Variants in ANTXRL observed in about 807,000 individuals in gnomAD.
ANTXRL encodes ANTXR like, also known as anthrax toxin receptor-like.
In ANTXRL, 63 loss-of-function variants were observed where a neutral mutation model predicts 75.4. The observed-to-expected ratio is 0.84, with a 90% CI of 0.68 to 1.03. The LOEUF (loss-of-function observed/expected upper bound fraction) is 1.03, where lower values mean the gene tolerates loss of function less well. Ranked by LOEUF, ANTXRL falls within the 50% of genes least tolerant of loss-of-function variation. The pLI, the probability that ANTXRL is intolerant of heterozygous loss-of-function variation, is 0.00. For missense variants in ANTXRL, 797 were observed against 789.4 expected (o/e 1.01, Z -0.12); for synonymous variants, 335 against 291.3 (o/e 1.15, Z -1.53).
At chr10:46,308,448 C>T (rs1838231546) in intron 12 of ANTXRL, 2 of 441,706 alleles carry the variant, frequency 4.5e-6, no homozygotes, top group Non-Finnish European at 4.5e-6. Context: ...CCCTCCCCTC[C>T]CCTCTCCAGC....
At chr10:46,327,579 A>C (rs1414196993) in intron 16 of ANTXRL, among the ~76,000 whole-genome samples, 4 of 152,102 alleles carry the variant, frequency 2.6e-5, no homozygotes, top group African/African-American at 9.7e-5. Context: ...AGGGCAGGTC[A>C]CAGGACGGGG....
intron 16 of ANTXRL, among the ~76,000 whole-genome samples, chr10:46,313,542 G>A (rs1386027362): frequency 2.0e-5 from 3 of 152,170 alleles, no homozygotes; most frequent in Non-Finnish European, 4.4e-5. Context: ...TGGCTAGGAT[G>A]GCTAACAGAG....
chr10:46,306,437 T>C (rs530461020), intron 10 of ANTXRL, among the ~76,000 whole-genome samples: 20 of 152,290 alleles, frequency 1.3e-4, no homozygotes, highest in African/African-American at 4.3e-4. Flanking sequence ...GGAGAAGTCA[T>C]GCATAATGAA....
intron 7 of ANTXRL, 57 bp from the exon 8 acceptor site, chr10:46,297,774 G>A (rs1837471282): frequency 7.0e-7 from 1 of 1,429,542 alleles, no homozygotes; most frequent in Non-Finnish European, 9.5e-7. Flanking sequence ...CTGGGCCGGG[G>A]GTCTGCTGCA....
intron 16 of ANTXRL, among the ~76,000 whole-genome samples, chr10:46,327,251 G>A (rs539774610): frequency 6.6e-6 from 1 of 152,248 alleles, no homozygotes; most frequent in African/African-American, 2.4e-5. Context: ...GCAGGGGACG[G>A]TCTGGCGTGC....
rs782006614 is a variant in ANTXRL, at chr10:46,329,768, G to T, written c.1580G>T (p.Arg527Leu). The T allele has an allele frequency of 7.2e-6, 11 of 1,530,616 alleles. No homozygotes were observed. In the Admixed American group the frequency reaches 2.0e-4, roughly 28 times the overall value. The allele number at this position is 1,530,616 out of a possible 1,614,324, so 94.8% of individuals were successfully genotyped here. A position where few individuals can be genotyped will look rare whatever the true frequency, so the allele number is the denominator to read the frequency against. ...SRECLALKQARCSPNICLRHS... is the reference protein window; with the variant it reads ...SRECLALKQALCSPNICLRHS... Reference sequence around the variant, plus strand: ...GAGTGCCTCGCCCTCAAACAGGCTCGCTGCAGCCCAAACATCTGCCTGAGA... The same window carrying T: ...GAGTGCCTCGCCCTCAAACAGGCTCTCTGCAGCCCAAACATCTGCCTGAGA... The change falls in exon 17 of 17, where the codon CGC becomes CTC. Residue 527 changes from arginine (R) to leucine (L), a missense_variant. Physicochemically the swap from Arg to Leu is moderately radical, Grantham distance 102. Coordinates refer to ENST00000620264, the MANE Select transcript of ANTXRL (RefSeq NM_001278688.3).
At chr10:46,294,101 A>C in intron 3 of ANTXRL, 1 of 576,942 alleles carries the variant, frequency 1.7e-6, no homozygotes, top group Non-Finnish European at 3.1e-6. Context: ...GGTTACCTGC[A>C]GGCCCCTGTG....
intron 3 of ANTXRL, among the ~76,000 whole-genome samples, chr10:46,294,457 G>T (rs1173009257): frequency 6.6e-6 from 1 of 152,170 alleles, no homozygotes; most frequent in Admixed American, 6.5e-5. Flanking sequence ...GGAGGCTGGA[G>T]CCCAGGCCCA....
intron 3 of ANTXRL, among the ~76,000 whole-genome samples, chr10:46,295,117 C>G (rs1554958156): frequency 6.6e-6 from 1 of 152,186 alleles, no homozygotes; most frequent in East Asian, 1.9e-4. Context: ...TCGGGGCTGC[C>G]TCTCCAGCCT....
At chr10:46,293,501 G>C in intron 2 of ANTXRL, among the ~76,000 whole-genome samples, 1 of 126,260 alleles carries the variant, frequency 7.9e-6, no homozygotes, top group Non-Finnish European at 1.8e-5. Flanking sequence ...TGTGTGGTGT[G>C]TGCACCTGTG....
intron 16 of ANTXRL, among the ~76,000 whole-genome samples, chr10:46,318,004 T>C (rs1230275042): frequency 8.5e-5 from 13 of 152,102 alleles, no homozygotes; most frequent in African/African-American, 3.1e-4. Flanking sequence ...GGAGGTCTCC[T>C]CTACTGTGAG....
At position 46,306,848 on chromosome 10, in the gene ANTXRL, G is replaced by C. The variant is rs1218730702; in HGVS notation, c.941G>C (p.Gly314Ala). ...GACAATAATTCCATGAATTGCCCTGGGCCAAAACTAGAAAAACCTGGAGAG... is the reference window on the plus strand; with the variant it reads ...GACAATAATTCCATGAATTGCCCTGCGCCAAAACTAGAAAAACCTGGAGAG... ...SIDNNSMNCP[G>A]PKLEKPGEEY... The change falls in exon 11 of 17, where the codon GGG (glycine) becomes GCG (alanine). Residue 314 changes from glycine (G) to alanine (A), a missense_variant. Gly to Ala is a moderately conservative substitution (Grantham distance 60). Transcript: ENST00000620264. The C allele has an allele frequency of 2.2e-5, 33 of 1,530,112 alleles. No individual in the cohort carries two copies. In the East Asian group the frequency reaches 6.2e-4, roughly 29 times the overall value. The allele number at this position is 1,530,112 out of a possible 1,614,324, so 94.8% of individuals were successfully genotyped here.
intron 16 of ANTXRL, among the ~76,000 whole-genome samples, chr10:46,327,620 G>A (rs1839287574): frequency 6.6e-6 from 1 of 152,118 alleles, no homozygotes; most frequent in African/African-American, 2.4e-5. Context: ...CTCTCAGTAA[G>A]AGAGAGACCA....
chr10:46,307,520 G>T, intron 12 of ANTXRL, 40 bp downstream of exon 12: 6 of 1,492,678 alleles, frequency 4.0e-6, no homozygotes, highest in Non-Finnish European at 5.4e-6. Flanking sequence ...TATGAGGACT[G>T]TCCAGAGCCT....
chr10:46,300,155 G>A (rs760824527), intron 9 of ANTXRL, among the ~76,000 whole-genome samples: 9 of 152,294 alleles, frequency 5.9e-5, no homozygotes, highest in South Asian at 2.1e-4. Context: ...CCACCAGCTC[G>A]GCCTTCTGCC....
intron 16 of ANTXRL, among the ~76,000 whole-genome samples, chr10:46,314,956 C>T (rs1838641566): frequency 6.6e-6 from 1 of 152,136 alleles, no homozygotes; most frequent in African/African-American, 2.4e-5. Context: ...CCTAATTTGA[C>T]CTTGTGCTTC....
intron 16 of ANTXRL, among the ~76,000 whole-genome samples, chr10:46,316,737 C>T (rs782170962): frequency 1.9e-4 from 29 of 152,110 alleles, no homozygotes; most frequent in Admixed American, 7.9e-4. Context: ...CCTCAAATAA[C>T]GTTTCATTCA....
chr10:46,309,379 G>A (rs540398943), intron 13 of ANTXRL, among the ~76,000 whole-genome samples, 177 bp downstream of exon 13: 21 of 152,336 alleles, frequency 1.4e-4, no homozygotes, highest in African/African-American at 3.8e-4. Context: ...AGCCTAGCAA[G>A]CCTGGGCTTC....
chr10:46,319,528 A>T (rs1838884752), intron 16 of ANTXRL, among the ~76,000 whole-genome samples: 1 of 152,140 alleles, frequency 6.6e-6, no homozygotes, highest in Admixed American at 6.5e-5. Context: ...GACCCAAATC[A>T]ATCAAGTCAA....
Sources: allele counts gnomAD v4.1 joint callset (sites outside exome capture counted in the v4.1 genomes callset), GRCh38; gene constraint gnomAD v4.1.1; transcripts MANE v1.5; gene names NCBI Gene and HGNC (gene_info 2026-07-23, HGNC 2026-07-21).